Variants in USP33 observed in about 807,000 individuals in gnomAD.
USP33 encodes ubiquitin carboxyl-terminal hydrolase 33.
Under a neutral mutation model 124.2 loss-of-function variants are expected in USP33, and 46 were observed. That is an observed-to-expected ratio of 0.37 (90% CI 0.29 to 0.47). The LOEUF (loss-of-function observed/expected upper bound fraction) is 0.47, where lower values mean the gene tolerates loss of function less well. Among genes scored for constraint, USP33 ranks in the 20% least tolerant of loss-of-function variants. The pLI is 0.99. For synonymous variants in USP33, 350 were observed against 352.3 expected (o/e 0.99, Z 0.07); for missense variants, 851 against 1,070.6 (o/e 0.79, Z 2.86).
At chr1:77,750,663 A>AG (rs562993615) in intron 1 of USP33, among the ~76,000 whole-genome samples, 3 of 150,282 alleles carry the variant, frequency 2.0e-5, no homozygotes, top group East Asian at 2.0e-4. Flanking sequence ...AAAGAAAGAA[A>AG]GAAAGAAAGA....
chr1:77,700,523 C>A (rs1187495045), intron 22 of USP33, among the ~76,000 whole-genome samples: 1 of 152,060 alleles, frequency 6.6e-6, no homozygotes, highest in African/African-American at 2.4e-5. Flanking sequence ...GTAGGAGGAT[C>A]GCATGGGCTG....
chr1:77,718,072 T>A, intron 16 of USP33, 25 bp from the exon 17 acceptor site: 1 of 1,554,318 alleles, frequency 6.4e-7, no homozygotes, highest in Non-Finnish European at 8.7e-7. Flanking sequence ...AATTCAAAAC[T>A]AATTTGTCAA....
chr1:77,746,198 A>G (rs1044447488), intron 1 of USP33, among the ~76,000 whole-genome samples: 1 of 152,220 alleles, frequency 6.6e-6, no homozygotes, highest in South Asian at 2.1e-4. Flanking sequence ...GATAAAGGGG[A>G]TATCACCACC....
intron 20 of USP33, 121 bp from the exon 21 acceptor site, chr1:77,711,976 A>G (rs1325895214): frequency 2.1e-6 from 2 of 962,378 alleles, no homozygotes; most frequent in Middle Eastern, 3.0e-4. Context: ...TAATATAAAA[A>G]TCAAAAATCA....
At chr1:77,702,930 T>G (rs550743252) in intron 21 of USP33, among the ~76,000 whole-genome samples, 9 of 152,016 alleles carry the variant, frequency 5.9e-5, no homozygotes, top group Non-Finnish European at 1.3e-4. Flanking sequence ...GTAAGTAGTG[T>G]GTAGTAGTGT....
chr1:77,705,526 C>T (rs972339001), intron 21 of USP33, among the ~76,000 whole-genome samples: 5 of 152,078 alleles, frequency 3.3e-5, no homozygotes, highest in South Asian at 4.1e-4. Flanking sequence ...CAGGGTCTTG[C>T]TCTGTTGCCT....
At position 77,728,535 on chromosome 1, in the gene USP33, C is replaced by T. The variant is rs1274249942; in HGVS notation, c.895G>A (p.Ala299Thr). ...CATCTAGAGCCATTTTCATTTTCTG[C>T]TCTATCACTGTTGCTACAAGATTCA... The part of the protein sequence containing the change: ...SCESCSNSDR[A>T]ENENGSRCFS... Residue 299 changes from alanine (A) to threonine (T), a missense_variant, in exon 10 of 24, where the codon GCA becomes ACA. This residue lies in a region of USP33 where 207 missense variants were observed against 200.9 expected (regional missense o/e 1.03). Coordinates refer to ENST00000370794, the MANE Select transcript of USP33 (RefSeq NM_201624.3). 2 of 1,614,084 alleles carry T rather than the reference C, an allele frequency of 1.2e-6. No homozygotes were observed. Among genetic ancestry groups the T allele is most frequent in the Admixed American group, 1.7e-5 (1 of 60,012 alleles).
At position 77,728,684 on chromosome 1, in the gene USP33, A is replaced by G; in HGVS notation, c.746T>C (p.Met249Thr). Residue 249 changes from methionine to threonine, a missense_variant, in exon 10 of 24, where the codon ATG becomes ACG. By Grantham distance (81) the Met-to-Thr change is moderately conservative. Transcript: ENST00000370794. ...TTTCAATTCTTCATGAAGCAAATCCATTAAACATCGAAGGAATTCTTGAGC... is the reference window on the plus strand; with the variant it reads ...TTTCAATTCTTCATGAAGCAAATCCGTTAAACATCGAAGGAATTCTTGAGC... ...QDAQEFLRCLMDLLHEELKEQ... is the reference protein window; with the variant it reads ...QDAQEFLRCLTDLLHEELKEQ... 4 of 1,613,182 alleles carry G rather than the reference A, an allele frequency of 2.5e-6. No homozygotes were observed. The highest frequency in any genetic ancestry group is 3.4e-6 in the Non-Finnish European group (4 of 1,179,716).
intron 7 of USP33, 101 bp from the exon 8 acceptor site, chr1:77,730,832 T>C: frequency 1.4e-6 from 1 of 705,570 alleles, no homozygotes. Context: ...CTTTAGCCGT[T>C]ATTTCTTTCT....
intron 15 of USP33, among the ~76,000 whole-genome samples, chr1:77,720,148 GA>G (rs1280464475): frequency 3.3e-4 from 30 of 89,962 alleles, no homozygotes; most frequent in Middle Eastern, 0.031. Flanking sequence ...GCGACAGAAT[GA>G]GACTATGTCT....
Position 77,697,296 on chromosome 1 carries a change from GA to G in USP33, c.*20del. 6.4e-7 allele frequency: 1 copy of G among 1,571,880 alleles called. No individual in the cohort carries two copies. The highest frequency in any genetic ancestry group is 8.6e-7 in the Non-Finnish European group (1 of 1,161,756). On this transcript the variant is annotated 3_prime_UTR_variant, in exon 24 of 24. Transcript: ENST00000370794. ...GGCACATGAAAATGATTCCTCATTA[GA>G]ACTCTCTACATCCTAAAAATTACAA... is the stretch of plus-strand genomic sequence containing the variant.
At chr1:77,721,545 G>A (rs553203520) in intron 14 of USP33, 2 of 489,058 alleles carry the variant, frequency 4.1e-6, no homozygotes, top group South Asian at 2.6e-5. Flanking sequence ...ACACAAATAA[G>A]TCCATTATTT....
intron 9 of USP33, 93 bp from the exon 10 acceptor site, chr1:77,728,805 T>C: frequency 1.5e-6 from 2 of 1,354,824 alleles, no homozygotes; most frequent in Admixed American, 2.3e-5. Context: ...CAAACTTATA[T>C]ATGAAGGTAC....
In USP33 at chr1:77,739,283, T is replaced by A. The variant is rs1678844722; in HGVS notation, c.333A>T (p.Ile111=). Residue 111 remains isoleucine, a synonymous_variant, in exon 5 of 24, where the codon ATA becomes ATT. Coordinates refer to ENST00000370794, the MANE Select transcript of USP33 (RefSeq NM_201624.3). ...TTATTACCTGGACACTGTTTTCTTG[T>A]ATTTGGTGAGGTTGTCTTACATGAG... is the stretch of plus-strand genomic sequence containing the variant. The part of the protein sequence containing the change: ...SLPHVRQPHQ[I]QENSVQDFKI... 1 of 1,613,072 alleles carries A rather than the reference T, an allele frequency of 6.2e-7. No individual in the cohort carries two copies. Among genetic ancestry groups the A allele is most frequent in the Non-Finnish European group, 8.5e-7 (1 of 1,179,684 alleles).
At chr1:77,704,857 A>G (rs1486804086) in intron 21 of USP33, among the ~76,000 whole-genome samples, 1 of 152,062 alleles carries the variant, frequency 6.6e-6, no homozygotes. Flanking sequence ...CATGGTCTAC[A>G]CTCACTGCTC....
chr1:77,728,637 C>T lies in USP33; in HGVS notation c.793G>A (p.Glu265Lys). The change falls in exon 10 of 24, where the codon GAA (glutamate) becomes AAA (lysine). Residue 265 changes from glutamate to lysine, a missense_variant. By Grantham distance (56) the Glu-to-Lys change is moderately conservative. Coordinates refer to ENST00000370794, the MANE Select transcript of USP33 (RefSeq NM_201624.3). Reference protein sequence around the residue: ...ELKEQVMEVEEDPQTITTEET... With the variant: ...ELKEQVMEVEKDPQTITTEET... ...TCAGTGGTTATGGTTTGCGGATCTT[C>T]TTCTACTTCCATGACTTGCTCTTTC... is the stretch of plus-strand genomic sequence containing the variant. The T allele has an allele frequency of 6.2e-7, 1 of 1,614,136 alleles. No individual in the cohort carries two copies. The highest frequency in any genetic ancestry group is 8.5e-7 in the Non-Finnish European group (1 of 1,180,024).
At chr1:77,735,320 C>T (rs892603398) in intron 6 of USP33, among the ~76,000 whole-genome samples, 5 of 152,040 alleles carry the variant, frequency 3.3e-5, no homozygotes, top group Admixed American at 2.6e-4. Flanking sequence ...ATAAATACTA[C>T]AAAAAATTAT....
At chr1:77,719,413 C>T (rs931571757) in intron 15 of USP33, among the ~76,000 whole-genome samples, 1 of 152,116 alleles carries the variant, frequency 6.6e-6, no homozygotes, top group African/African-American at 2.4e-5. Flanking sequence ...ATTTAGAGAG[C>T]TGTATAACTC....
Position 77,721,943 on chromosome 1 carries a change from G to GA in USP33, c.1563-19dup, listed in dbSNP as rs367996405. 20 of 1,597,560 alleles carry GA rather than the reference G, an allele frequency of 1.3e-5. No individual in the cohort carries two copies. Among genetic ancestry groups the GA allele is most frequent in the African/African-American group, 6.8e-5 (5 of 73,558 alleles). ...CAACAAACCTGAAACATCATTGATAGAAAAAAAAGGAAGTGTTCTGCCAGT... is the reference window on the plus strand; with the variant it reads ...CAACAAACCTGAAACATCATTGATAGAAAAAAAAAGGAAGTGTTCTGCCAGT... On this transcript the variant is annotated intron_variant, in intron 13 of 23. Coordinates refer to ENST00000370794, the MANE Select transcript of USP33 (RefSeq NM_201624.3).
Sources: gnomAD v4.1 joint callset for allele counts (sites outside exome capture counted in the v4.1 genomes callset) on GRCh38, gnomAD v4.1.1 for gene constraint, gnomAD v4.1.1 regional missense constraint, MANE v1.5 for transcripts, NCBI Gene and HGNC (gene_info 2026-07-23, HGNC 2026-07-21) for gene names.